The following ATG10 variants were observed in gnomAD, a reference collection of about 807,000 sequenced individuals.
ATG10 encodes autophagy related 10.
A neutral mutation model predicts 32.1 loss-of-function variants in ATG10; 30 were observed. The ratio of observed to expected loss-of-function variants is 0.94; its 90% CI spans 0.70 to 1.27. The LOEUF (loss-of-function observed/expected upper bound fraction) is 1.27. ATG10 is among the 50% of genes most tolerant of loss of function. The probability of loss-of-function intolerance (pLI) is 0.00; values close to 1 mark genes in which losing one functional copy is unlikely to be tolerated. For synonymous variants in ATG10, 87 were observed against 91.5 expected, an observed-to-expected ratio of 0.95 and a Z score of 0.28; for missense variants, 233 against 262.3, an observed-to-expected ratio of 0.89 and a Z score of 0.77.
intron 3 of ATG10, among the ~76,000 whole-genome samples, chr5:82,130,392 T>TA (rs1158046151): frequency 6.0e-5 from 9 of 150,656 alleles, no homozygotes; most frequent in African/African-American, 1.2e-4. Context: ...ACTTGGGTAT[T>TA]AAAAAAAAAG....
chr5:82,099,799 C>A (rs1030089082), intron 3 of ATG10, among the ~76,000 whole-genome samples: 17 of 152,006 alleles, frequency 1.1e-4, no homozygotes, highest in Admixed American at 3.3e-4. Context: ...AAAAGACATT[C>A]ATTTCAAATC....
At chr5:82,175,706 G>A (rs1207885940) in intron 4 of ATG10, among the ~76,000 whole-genome samples, 1 of 152,124 alleles carries the variant, frequency 6.6e-6, no homozygotes, top group East Asian at 1.9e-4. Context: ...GGAACGCTGT[G>A]CCTCCCAGTG....
At chr5:82,057,776 A>G (rs1168393092) in intron 2 of ATG10, among the ~76,000 whole-genome samples, 2 of 152,180 alleles carry the variant, frequency 1.3e-5, no homozygotes, top group Non-Finnish European at 2.9e-5. Flanking sequence ...TACAAGAAAC[A>G]GGAGACAAAT....
At chr5:82,209,112 C>G (rs1237587950) in intron 5 of ATG10, among the ~76,000 whole-genome samples, 2 of 151,804 alleles carry the variant, frequency 1.3e-5, no homozygotes, top group Non-Finnish European at 2.9e-5. Context: ...GAAAATTAAT[C>G]AGTGAAGCCA....
intron 3 of ATG10, chr5:82,147,337 T>G (rs796339322): frequency 4.9e-5 from 8 of 162,644 alleles, no homozygotes; most frequent in African/African-American, 1.9e-4. Context: ...CCTGGCTAAT[T>G]TTTTGTATTT....
chr5:82,135,788 C>T (rs2149848464), intron 3 of ATG10, among the ~76,000 whole-genome samples: 1 of 152,214 alleles, frequency 6.6e-6, no homozygotes, highest in African/African-American at 2.4e-5. Flanking sequence ...AATTTTCTGT[C>T]TTGTTGATCT....
chr5:82,204,231 C>T (rs1468216811), intron 5 of ATG10, among the ~76,000 whole-genome samples: 1 of 152,036 alleles, frequency 6.6e-6, no homozygotes, highest in Non-Finnish European at 1.5e-5. Context: ...GCACTTTAAC[C>T]TCATATTTTG....
At position 82,075,507 on chromosome 5, in the gene ATG10, A is replaced by T. The variant is rs928806444; in HGVS notation, c.216+16905A>T. On this transcript the variant is annotated intron_variant, in intron 3 of 7. Transcript: ENST00000282185. ...ATATTGTATGTTTAGCTAATTTAGA[A>T]TTTGTTAATCTATAACTATTTCAAC... Among the ~76,000 whole-genome samples, 4 of 152,220 alleles carry T rather than the reference A, an allele frequency of 2.6e-5. No individual in the cohort carries two copies. The South Asian group carries it at 8.3e-4, about 31-fold the overall frequency.
At chr5:82,180,276 A>C (rs995297835) in intron 5 of ATG10, among the ~76,000 whole-genome samples, 10 of 152,082 alleles carry the variant, frequency 6.6e-5, no homozygotes, top group Non-Finnish European at 4.4e-5. Context: ...CCTCTTGTGC[A>C]GTTTGTTCTT....
intron 3 of ATG10, among the ~76,000 whole-genome samples, chr5:82,099,839 C>G (rs536900195): frequency 6.6e-6 from 1 of 152,082 alleles, no homozygotes; most frequent in African/African-American, 2.4e-5. Context: ...TCTTCTGAAC[C>G]TACTGCAATC....
intron 3 of ATG10, 75 bp from the exon 4 acceptor site, chr5:82,164,324 C>T: frequency 5.2e-6 from 6 of 1,164,084 alleles, no homozygotes; most frequent in Admixed American, 4.3e-5. Context: ...AGAAGAAAAT[C>T]TCCTCTTTTC....
chr5:82,225,436 C>T (rs1314431526), intron 5 of ATG10, among the ~76,000 whole-genome samples: 1 of 152,212 alleles, frequency 6.6e-6, no homozygotes, highest in Non-Finnish European at 1.5e-5. Context: ...GTTTGCAGAT[C>T]ATCACATCTG....
chr5:82,019,067 G>A (rs1292808015), intron 2 of ATG10, among the ~76,000 whole-genome samples: 1 of 152,138 alleles, frequency 6.6e-6, no homozygotes, highest in Non-Finnish European at 1.5e-5. Flanking sequence ...AAATGAGTGA[G>A]TGAGTATCTG....
At chr5:82,103,953 A>G (rs1258835466) in intron 3 of ATG10, among the ~76,000 whole-genome samples, 1 of 152,164 alleles carries the variant, frequency 6.6e-6, no homozygotes, top group Non-Finnish European at 1.5e-5. Flanking sequence ...AGATAAATAT[A>G]TCATACATAT....
At chr5:82,063,681 G>A (rs1428259691) in intron 3 of ATG10, among the ~76,000 whole-genome samples, 3 of 151,800 alleles carry the variant, frequency 2.0e-5, no homozygotes, top group African/African-American at 4.8e-5. Flanking sequence ...TTGTAGAGAC[G>A]GGATTTCACC....
intron 3 of ATG10, among the ~76,000 whole-genome samples, chr5:82,107,054 T>C (rs531835730): frequency 1.3e-5 from 2 of 152,162 alleles, no homozygotes; most frequent in African/African-American, 4.8e-5. Context: ...GCCTTCAGGG[T>C]ACTCAGAATA....
intron 1 of ATG10, among the ~76,000 whole-genome samples, chr5:81,983,519 C>T (rs1343060329): frequency 9.5e-5 from 14 of 147,432 alleles, no homozygotes; most frequent in African/African-American, 3.3e-4. Context: ...GGCTGACCCC[C>T]CCCACCTCCC....
intron 3 of ATG10, among the ~76,000 whole-genome samples, chr5:82,127,783 G>A (rs770395470): frequency 9.2e-5 from 14 of 152,112 alleles, no homozygotes; most frequent in Non-Finnish European, 1.9e-4. Flanking sequence ...GAGTTCTGTA[G>A]GTGTCTATTA....
Position 82,240,841 on chromosome 5 carries a change from G to A in ATG10, c.454-11721G>A, listed in dbSNP as rs116011025. On this transcript the variant is annotated intron_variant, in intron 5 of 7. Transcript: ENST00000282185. Reference sequence around the variant, plus strand: ...GAAATAACAAAGGAGAAAAGTTATAGATTTAATTATCTAACATTATATTCC... The same window carrying A: ...GAAATAACAAAGGAGAAAAGTTATAAATTTAATTATCTAACATTATATTCC... 5.5e-3 allele frequency among the ~76,000 whole-genome samples: 833 copies of A among 151,980 alleles called. 8 individuals carry two copies. Among genetic ancestry groups the A allele is most frequent in the African/African-American group, 0.016 (674 of 41,462 alleles).
Sources: gnomAD v4.1 joint callset for allele counts (sites outside exome capture counted in the v4.1 genomes callset) on GRCh38, gnomAD v4.1.1 for gene constraint, MANE v1.5 for transcripts, NCBI Gene and HGNC (gene_info 2026-07-23, HGNC 2026-07-21) for gene names.